The following SIAH1 variants were observed in gnomAD, a reference collection of about 807,000 sequenced individuals.
The protein encoded by SIAH1 is E3 ubiquitin-protein ligase SIAH1.
SIAH1 carries 2 observed loss-of-function variants against 20.0 expected under a neutral mutation model. That is an observed-to-expected ratio of 0.10 (90% CI 0.04 to 0.31). The LOEUF (loss-of-function observed/expected upper bound fraction) is 0.31, where lower values mean the gene tolerates loss of function less well. Ranked by LOEUF, SIAH1 falls within the 10% of genes least tolerant of loss-of-function variation. The probability of loss-of-function intolerance (pLI) is 1.00; values close to 1 mark genes in which losing one functional copy is unlikely to be tolerated. For missense variants in SIAH1, 119 were observed against 355.3 expected (o/e 0.33, Z 5.35); for synonymous variants, 118 against 125.3 (o/e 0.94, Z 0.39).
At chr16:48,368,963 A>T (rs986808493) in intron 1 of SIAH1, among the ~76,000 whole-genome samples, 1 of 152,124 alleles carries the variant, frequency 6.6e-6, no homozygotes, top group Non-Finnish European at 1.5e-5. Flanking sequence ...TATTTTCCAA[A>T]CTCATTTGAC....
chr16:48,362,228 T>C lies in SIAH1; in HGVS notation c.201A>G (p.Pro67=). The C allele has an allele frequency of 6.2e-7, 1 of 1,614,212 alleles. No individual in the cohort carries two copies. The highest frequency in any genetic ancestry group is 8.5e-7 in the Non-Finnish European group (1 of 1,180,044). ...SGHLVCSNCR[P]KLTCCPTCRG... The stretch of plus-strand genomic sequence containing the variant: ...GGCAAGTTGGACAACATGTGAGCTT[T>C]GGGCGACAGTTGCTACAAACAAGAT... Residue 67 remains proline (P), a synonymous_variant, in exon 2 of 2, where the codon CCA becomes CCG. Transcript: ENST00000394725. This position sits in a 1 kb window ranked among gnomAD's most constrained non-coding sequence, Gnocchi z 4.2.
At chr16:48,378,003 T>C (rs1314127200) in intron 1 of SIAH1, among the ~76,000 whole-genome samples, 1 of 152,100 alleles carries the variant, frequency 6.6e-6, no homozygotes, top group Non-Finnish European at 1.5e-5. Flanking sequence ...AAGCAAATAA[T>C]ACTCCTTAAT....
At chr16:48,365,852 G>A (rs1960814438) in intron 1 of SIAH1, 4 of 1,250,304 alleles carry the variant, frequency 3.2e-6, no homozygotes, top group South Asian at 7.5e-5. Flanking sequence ...GGCTGAGAAG[G>A]AAGTGCGCTC....
intron 1 of SIAH1, among the ~76,000 whole-genome samples, chr16:48,378,973 C>A (rs1463273886): frequency 6.6e-6 from 1 of 152,218 alleles, no homozygotes; most frequent in Non-Finnish European, 1.5e-5. Flanking sequence ...ATTTGTAATT[C>A]TGTTTCTTTC....
At chr16:48,367,304 CTGAT>C (rs1411630311) in intron 1 of SIAH1, among the ~76,000 whole-genome samples, 8 of 152,112 alleles carry the variant, frequency 5.3e-5, no homozygotes, top group Non-Finnish European at 1.0e-4. Context: ...AAAAAGATGA[CTGAT>C]TATTTCTCAA....
intron 1 of SIAH1, among the ~76,000 whole-genome samples, chr16:48,371,015 G>A (rs1960971772): frequency 6.6e-6 from 1 of 151,646 alleles, no homozygotes; most frequent in South Asian, 2.1e-4. Flanking sequence ...TACGGAAGCT[G>A]AGGCATAAGA....
At chr16:48,386,481 T>C (rs2151058114), upstream of SIAH1, among the ~76,000 whole-genome samples, 1 of 152,266 alleles carries the variant, frequency 6.6e-6, no homozygotes, top group African/African-American at 2.4e-5. Flanking sequence ...CACTCCAGCC[T>C]GGACAACAGA....
rs113487840 is a variant in SIAH1, at chr16:48,365,913, T to C, written c.-2-3483A>G. 2.5e-3 allele frequency: 3,026 copies of C among 1,227,586 alleles called. 59 individuals are homozygous for C. In the African/African-American group the frequency reaches 0.042, roughly 17 times the overall value. 76.0% of individuals were successfully genotyped at this position (1,227,586 alleles called of 1,614,324 possible). On this transcript the variant is annotated intron_variant, in intron 1 of 1. Coordinates refer to ENST00000394725, the MANE Select transcript of SIAH1 (RefSeq NM_003031.4). ...AGGAGCCTGCCTGCCGGGAGAGCCA[T>C]TTGGAGCCTCGGCCGGGGCTGGGCC...
At chr16:48,370,817 A>C (rs927773725) in intron 1 of SIAH1, among the ~76,000 whole-genome samples, 6 of 151,530 alleles carry the variant, frequency 4.0e-5, no homozygotes, top group African/African-American at 1.5e-4. Context: ...AAAAAAAAAA[A>C]AACAAATTTC....
intron 1 of SIAH1, among the ~76,000 whole-genome samples, chr16:48,378,314 T>C (rs545297303): frequency 6.6e-5 from 10 of 152,156 alleles, no homozygotes; most frequent in South Asian, 2.1e-4. Context: ...GACTGTGCCA[T>C]TGCACTCCAG....
chr16:48,385,439 T>C (rs1163226479), upstream of SIAH1: 3 of 149,834 alleles, frequency 2.0e-5, no homozygotes, highest in Non-Finnish European at 3.0e-5. Context: ...CCCCGCTAAA[T>C]ACCACACACT....
At chr16:48,374,757 A>G (rs1961063581) in intron 1 of SIAH1, among the ~76,000 whole-genome samples, 2 of 152,244 alleles carry the variant, frequency 1.3e-5, no homozygotes, top group African/African-American at 4.8e-5. Context: ...TATTACCTAC[A>G]AAAATAAAAA....
At chr16:48,372,388 T>G (rs1961007711) in intron 1 of SIAH1, among the ~76,000 whole-genome samples, 2 of 152,214 alleles carry the variant, frequency 1.3e-5, no homozygotes, top group South Asian at 2.1e-4. Flanking sequence ...CTATATTAAT[T>G]TCCCTCAAAC....
At chr16:48,373,677 A>C (rs1253096443) in intron 1 of SIAH1, among the ~76,000 whole-genome samples, 1 of 152,196 alleles carries the variant, frequency 6.6e-6, no homozygotes, top group Non-Finnish European at 1.5e-5. Flanking sequence ...GAGCACAGCA[A>C]TTAGATTAAT....
chr16:48,384,400 G>C (rs893010358), intron 1 of SIAH1, among the ~76,000 whole-genome samples: 3 of 152,060 alleles, frequency 2.0e-5, no homozygotes, highest in African/African-American at 7.2e-5. Context: ...CTACGCATCG[G>C]AGTGGCCCAG....
chr16:48,377,711 GA>G (rs1000183978), intron 1 of SIAH1, among the ~76,000 whole-genome samples: 20 of 147,560 alleles, frequency 1.4e-4, no homozygotes, highest in African/African-American at 3.7e-4. Flanking sequence ...AAGATTTAAG[GA>G]AAAAAAAAAT....
At chr16:48,384,707 G>A (rs1037147807) in intron 1 of SIAH1, among the ~76,000 whole-genome samples, 1 of 150,986 alleles carries the variant, frequency 6.6e-6, no homozygotes, top group African/African-American at 2.4e-5. Flanking sequence ...TGCGGCCCGG[G>A]CCTCCGGGCG....
At chr16:48,375,756 T>C (rs1961093436) in intron 1 of SIAH1, among the ~76,000 whole-genome samples, 1 of 152,244 alleles carries the variant, frequency 6.6e-6, no homozygotes, top group Admixed American at 6.5e-5. Context: ...GATATGCACA[T>C]TGATGTATAT....
At chr16:48,367,530 T>C (rs570516143) in intron 1 of SIAH1, among the ~76,000 whole-genome samples, 1 of 152,350 alleles carries the variant, frequency 6.6e-6, no homozygotes, top group East Asian at 1.9e-4. Flanking sequence ...CAACTGGCTT[T>C]TGTCTAGATT....
Sources: gnomAD v4.1 joint callset for allele counts (sites outside exome capture counted in the v4.1 genomes callset) on GRCh38, gnomAD v4.1.1 for gene constraint, Gnocchi (gnomAD v3.1) non-coding constraint, MANE v1.5 for transcripts, NCBI Gene and HGNC (gene_info 2026-07-23, HGNC 2026-07-21) for gene names.